The following KIDINS220 variants were observed in gnomAD, a reference collection of about 807,000 sequenced individuals.
KIDINS220 encodes kinase D-interacting substrate of 220 kDa.
KIDINS220 carries 63 observed loss-of-function variants against 157.6 expected under a neutral mutation model. The ratio of observed to expected loss-of-function variants is 0.40; its 90% CI spans 0.33 to 0.49. The LOEUF is 0.49. Ranked by LOEUF, KIDINS220 falls within the 20% of genes least tolerant of loss-of-function variation. KIDINS220 has a pLI of 0.66. For missense variants in KIDINS220, 1,772 were observed against 2,171.2 expected (o/e 0.82, Z 3.65); for synonymous variants, 732 against 783.6 (o/e 0.93, Z 1.10).
intron 1 of KIDINS220, among the ~76,000 whole-genome samples, chr2:8,828,891 T>A (rs573311936): frequency 1.3e-5 from 2 of 152,340 alleles, no homozygotes; most frequent in South Asian, 4.1e-4. Context: ...TGGAAAGGAA[T>A]CATGCCTCTG....
intron 22 of KIDINS220, among the ~76,000 whole-genome samples, chr2:8,758,343 A>AC (rs908642271): frequency 6.6e-6 from 1 of 152,118 alleles, no homozygotes; most frequent in African/African-American, 2.4e-5. Flanking sequence ...AGAAAAATCT[A>AC]CCATGATTAA....
chr2:8,807,960 A>T (rs1675726689), intron 6 of KIDINS220, among the ~76,000 whole-genome samples: 1 of 152,072 alleles, frequency 6.6e-6, no homozygotes, highest in Non-Finnish European at 1.5e-5. Flanking sequence ...TATCTCTACT[A>T]AAAATACAAA....
downstream of KIDINS220, chr2:8,724,268 A>T (rs1663140706): frequency 6.6e-6 from 1 of 152,210 alleles, no homozygotes; most frequent in Non-Finnish European, 1.5e-5. This position sits in a 1 kb window ranked among gnomAD's most constrained non-coding sequence, Gnocchi z 4.6. Flanking sequence ...GTATTTTATG[A>T]GACGGAGTCT....
At chr2:8,723,662 C>T (rs1203286756), downstream of KIDINS220, 1 of 152,124 alleles carries the variant, frequency 6.6e-6, no homozygotes, top group East Asian at 1.9e-4. Flanking sequence ...AGATAACTAG[C>T]CTTGCTAAAA....
At chr2:8,828,168 C>T (rs13432590) in intron 1 of KIDINS220, among the ~76,000 whole-genome samples, 63,066 of 152,118 alleles carry the variant, frequency 0.41, 15,108 homozygotes, top group East Asian at 0.59. Context: ...CCCCCTCTCA[C>T]CCTCCTGGCT....
At chr2:8,744,388 A>T (rs56185529) in intron 26 of KIDINS220, among the ~76,000 whole-genome samples, 1,397 of 25,712 alleles carry the variant, frequency 0.054, 68 homozygotes, top group Middle Eastern at 0.071. Context: ...AAAAAAAAAA[A>T]ATATATATAT....
chr2:8,801,429 T>C (rs560319744), intron 8 of KIDINS220, among the ~76,000 whole-genome samples: 1 of 152,284 alleles, frequency 6.6e-6, no homozygotes, highest in East Asian at 1.9e-4. Flanking sequence ...ACATTGGCAT[T>C]AACATGGGTG....
chr2:8,802,759 C>T (rs1242683571), intron 8 of KIDINS220, among the ~76,000 whole-genome samples, 171 bp downstream of exon 8: 1 of 152,148 alleles, frequency 6.6e-6, no homozygotes, highest in Non-Finnish European at 1.5e-5. Context: ...TTAAAAAGGA[C>T]ATTTTTCAGA....
At chr2:8,741,967 G>A (rs1334342545) in intron 26 of KIDINS220, among the ~76,000 whole-genome samples, 2 of 152,176 alleles carry the variant, frequency 1.3e-5, no homozygotes, top group African/African-American at 4.8e-5. Flanking sequence ...TGACAGGGAG[G>A]ACCTGTCCTG....
chr2:8,764,979 A>C (rs1317912897), intron 22 of KIDINS220, among the ~76,000 whole-genome samples: 2 of 152,228 alleles, frequency 1.3e-5, no homozygotes, highest in Non-Finnish European at 2.9e-5. Flanking sequence ...ATGAAAGAAC[A>C]CACTAGTACA....
At position 8,788,739 on chromosome 2, in the gene KIDINS220, T is replaced by G; in HGVS notation, c.1695A>C (p.Ala565=). 6.2e-7 allele frequency: 1 copy of G among 1,614,166 alleles called. No homozygotes were observed. The highest frequency in any genetic ancestry group is 1.7e-5 in the Admixed American group (1 of 60,030). The change falls in exon 15 of 30, where the codon GCA becomes GCC. Residue 565 remains alanine (A), a synonymous_variant. Coordinates refer to ENST00000256707, the MANE Select transcript of KIDINS220 (RefSeq NM_020738.4). Reference sequence around the variant, plus strand: ...GGAGTTCCAAATATCCAATATGTCTTGCCAATCTAGTGCTGAGGACCCAGG... The same window carrying G: ...GGAGTTCCAAATATCCAATATGTCTGGCCAATCTAGTGCTGAGGACCCAGG... ...NWAWVLSTRL[A]RHIGYLELLL... is the part of the protein sequence containing the mutation.
intron 22 of KIDINS220, among the ~76,000 whole-genome samples, chr2:8,768,587 TA>T (rs1669772209): frequency 6.6e-6 from 1 of 152,192 alleles, no homozygotes; most frequent in Admixed American, 6.5e-5. Flanking sequence ...ATTAAAAAAA[TA>T]AATTTTACTA....
At chr2:8,765,846 G>A (rs1669414681) in intron 22 of KIDINS220, among the ~76,000 whole-genome samples, 1 of 152,092 alleles carries the variant, frequency 6.6e-6, no homozygotes, top group Admixed American at 6.5e-5. Context: ...TGGGATTACA[G>A]GCGTACTCCA....
chr2:8,751,697 A>G, intron 22 of KIDINS220, 53 bp from the exon 23 acceptor site: 2 of 1,268,240 alleles, frequency 1.6e-6, no homozygotes, highest in Non-Finnish European at 2.2e-6. Flanking sequence ...TTAGAAAGGT[A>G]AATTCTGCAT....
At chr2:8,771,183 A>G (rs1328155396) in intron 21 of KIDINS220, among the ~76,000 whole-genome samples, 1 of 152,158 alleles carries the variant, frequency 6.6e-6, no homozygotes, top group Non-Finnish European at 1.5e-5. Context: ...TTCACCCACA[A>G]TGGACCCCAA....
Position 8,788,776 on chromosome 2 carries a change from C to A in KIDINS220, c.1658G>T (p.Ser553Ile). The A allele has an allele frequency of 1.9e-6, 3 of 1,613,782 alleles. No homozygotes were observed. The highest frequency in any genetic ancestry group is 2.5e-6 in the Non-Finnish European group (3 of 1,179,926). Residue 553 changes from serine (S) to isoleucine (I), a missense_variant, in exon 15 of 30, where the codon AGT becomes ATT. Around this residue, in one of 3 missense-constraint regions of KIDINS220, gnomAD observed 725 missense variants for 1,017.1 expected, o/e 0.71. Coordinates refer to ENST00000256707, the MANE Select transcript of KIDINS220 (RefSeq NM_020738.4). ...IYFGGRREGE[S>I]WNWAWVLSTR... is the part of the protein sequence containing the mutation. ...GCTGAGGACCCAGGCCCAATTCCAA[C>A]TCTCTCCTTCTCTTCGTCCACCAAA...
At chr2:8,799,891 C>A (rs1325082171) in intron 9 of KIDINS220, among the ~76,000 whole-genome samples, 1 of 152,154 alleles carries the variant, frequency 6.6e-6, no homozygotes, top group African/African-American at 2.4e-5. Context: ...AATTAATAAT[C>A]TTTGTGGTTC....
intron 17 of KIDINS220, among the ~76,000 whole-genome samples, chr2:8,783,129 G>A (rs1247363047): frequency 1.3e-5 from 2 of 151,384 alleles, no homozygotes; most frequent in African/African-American, 2.4e-5. Context: ...CCCGTAAGGT[G>A]GAGGTTGTAG....
chr2:8,736,527 G>A (rs1241568216), intron 27 of KIDINS220, among the ~76,000 whole-genome samples: 1 of 152,108 alleles, frequency 6.6e-6, no homozygotes, highest in East Asian at 1.9e-4. Context: ...GTAACACAAA[G>A]GTTTTCGGTT....
Sources: gnomAD v4.1 joint callset for allele counts (sites outside exome capture counted in the v4.1 genomes callset) on GRCh38, gnomAD v4.1.1 for gene constraint, gnomAD v4.1.1 regional missense constraint, Gnocchi (gnomAD v3.1) non-coding constraint, MANE v1.5 for transcripts, NCBI Gene and HGNC (gene_info 2026-07-23, HGNC 2026-07-21) for gene names.